FAF1: variants seen among roughly 807,000 people sequenced by gnomAD.
The protein encoded by FAF1 is FAS-associated factor 1.
A neutral mutation model predicts 92.5 loss-of-function variants in FAF1; 25 were observed. That is an observed-to-expected ratio of 0.27 (90% CI 0.20 to 0.38). FAF1 has a LOEUF of 0.38. Ranked by LOEUF, FAF1 falls within the 10% of genes least tolerant of loss-of-function variation. FAF1 has a pLI of 1.00. For missense variants in FAF1, 636 were observed against 793.3 expected, an observed-to-expected ratio of 0.80 and a Z score of 2.38; for synonymous variants, 234 against 273.2, an observed-to-expected ratio of 0.86 and a Z score of 1.42.
intron 8 of FAF1, among the ~76,000 whole-genome samples, chr1:50,636,382 T>C (rs1371758534): frequency 1.0e-5 from 1 of 95,590 alleles, no homozygotes; most frequent in Non-Finnish European, 2.4e-5. Flanking sequence ...GCGTGTCCTT[T>C]TTTTTTTTTT....
intron 15 of FAF1, among the ~76,000 whole-genome samples, chr1:50,531,822 G>A (rs1176331614): frequency 6.6e-6 from 1 of 152,078 alleles, no homozygotes; most frequent in African/African-American, 2.4e-5. Context: ...TATGGTTCAG[G>A]CTTGGGTTTA....
At chr1:50,637,679 ATATG>A (rs1203836206) in intron 8 of FAF1, among the ~76,000 whole-genome samples, 15 of 101,812 alleles carry the variant, frequency 1.5e-4, no homozygotes, top group South Asian at 5.7e-4. Flanking sequence ...ACACATATAT[ATATG>A]TGTGTGTGTG....
At chr1:50,504,290 C>T (rs1647027214) in intron 15 of FAF1, among the ~76,000 whole-genome samples, 1 of 151,364 alleles carries the variant, frequency 6.6e-6, no homozygotes, top group Non-Finnish European at 1.5e-5. Context: ...GAAGAGAATA[C>T]AGTGGATTAA....
intron 8 of FAF1, among the ~76,000 whole-genome samples, chr1:50,641,966 G>T (rs1409803331): frequency 1.3e-5 from 2 of 151,886 alleles, no homozygotes; most frequent in Non-Finnish European, 2.9e-5. Flanking sequence ...ATTTTGGGAG[G>T]CCAAGACAGG....
At chr1:50,647,577 G>A (rs749606340) in intron 8 of FAF1, among the ~76,000 whole-genome samples, 32 of 152,138 alleles carry the variant, frequency 2.1e-4, no homozygotes, top group Non-Finnish European at 3.7e-4. Context: ...AATGTCAAGT[G>A]AATGAATAGA....
At chr1:50,643,681 C>T (rs910824181) in intron 8 of FAF1, among the ~76,000 whole-genome samples, 16 of 152,228 alleles carry the variant, frequency 1.1e-4, no homozygotes, top group African/African-American at 3.9e-4. Context: ...CAACCTCCGC[C>T]TCCCAGATTC....
chr1:50,624,338 T>G (rs964667795), intron 8 of FAF1, among the ~76,000 whole-genome samples: 2 of 152,024 alleles, frequency 1.3e-5, no homozygotes, highest in Non-Finnish European at 2.9e-5. Flanking sequence ...TTAGTAGAGA[T>G]AGGGTTTCAC....
intron 1 of FAF1, among the ~76,000 whole-genome samples, chr1:50,877,228 G>C (rs1220157490): frequency 6.6e-6 from 1 of 152,220 alleles, no homozygotes; most frequent in Non-Finnish European, 1.5e-5. Flanking sequence ...GCTAAGTCAT[G>C]TTAAAATATA....
At chr1:50,709,049 T>A (rs141411542) in intron 6 of FAF1, among the ~76,000 whole-genome samples, 1 of 152,324 alleles carries the variant, frequency 6.6e-6, no homozygotes, top group Admixed American at 6.5e-5. Context: ...ATGGAAAGAC[T>A]TCCTGAGGTT....
At chr1:50,934,942 A>G (rs909189316) in intron 1 of FAF1, among the ~76,000 whole-genome samples, 1 of 152,136 alleles carries the variant, frequency 6.6e-6, no homozygotes, top group Non-Finnish European at 1.5e-5. Flanking sequence ...TGGATGTTTT[A>G]AAGATTTTTC....
In FAF1 at chr1:50,960,148, C is replaced by T. The variant is rs948293604; in HGVS notation, c.-337G>A. Reference sequence around the variant, plus strand: ...GGTTGCGACAGCGCGCACCCGGATACCTTCAGCGGCGTTAAGCCCGGCGGG... The same window carrying T: ...GGTTGCGACAGCGCGCACCCGGATATCTTCAGCGGCGTTAAGCCCGGCGGG... On this transcript the variant is annotated 5_prime_UTR_variant, in exon 1 of 19. Transcript: ENST00000396153. The T allele has an allele frequency of 6.3e-5, 22 of 348,070 alleles. No individual in the cohort carries two copies. Among genetic ancestry groups the T allele is most frequent in the Non-Finnish European group, 8.8e-5 (17 of 192,550 alleles). 21.6% of individuals were successfully genotyped at this position (348,070 alleles called of 1,614,324 possible).
intron 18 of FAF1, among the ~76,000 whole-genome samples, chr1:50,456,699 A>G (rs1404853669): frequency 6.6e-6 from 1 of 152,226 alleles, no homozygotes; most frequent in Non-Finnish European, 1.5e-5. Flanking sequence ...TTATAATAGT[A>G]AACAAGACAC....
chr1:50,496,904 A>G (rs1292885040), intron 15 of FAF1, among the ~76,000 whole-genome samples: 1 of 148,862 alleles, frequency 6.7e-6, no homozygotes, highest in Non-Finnish European at 1.5e-5. Flanking sequence ...AAAAAAAAAA[A>G]GTTATCTCTG....
intron 13 of FAF1, among the ~76,000 whole-genome samples, chr1:50,551,470 G>A (rs557348301): frequency 3.3e-5 from 5 of 152,264 alleles, no homozygotes; most frequent in Admixed American, 2.6e-4. Context: ...CTAAAAACAT[G>A]TAAATACCAT....
At chr1:50,494,802 T>C (rs1055288788) in intron 15 of FAF1, among the ~76,000 whole-genome samples, 8 of 152,234 alleles carry the variant, frequency 5.3e-5, no homozygotes, top group Admixed American at 1.3e-4. Flanking sequence ...GAAGTATATA[T>C]TTATTGGATG....
At chr1:50,882,623 A>C (rs1305179135) in intron 1 of FAF1, among the ~76,000 whole-genome samples, 2 of 150,740 alleles carry the variant, frequency 1.3e-5, no homozygotes, top group African/African-American at 4.9e-5. Flanking sequence ...TAAATAAATA[A>C]ATAAATAAAT....
At chr1:50,910,161 T>C (rs924467005) in intron 1 of FAF1, among the ~76,000 whole-genome samples, 1 of 152,130 alleles carries the variant, frequency 6.6e-6, no homozygotes, top group Non-Finnish European at 1.5e-5. Flanking sequence ...CAGACCCTGT[T>C]TGCCTGGGTA....
intron 4 of FAF1, among the ~76,000 whole-genome samples, chr1:50,786,508 A>C (rs1661369714): frequency 6.6e-6 from 1 of 152,232 alleles, no homozygotes; most frequent in South Asian, 2.1e-4. Flanking sequence ...ATGTAAGATG[A>C]AAAAGTGCAT....
At chr1:50,565,050 T>A (rs1161110433) in intron 13 of FAF1, among the ~76,000 whole-genome samples, 1 of 152,094 alleles carries the variant, frequency 6.6e-6, no homozygotes, top group East Asian at 1.9e-4. Context: ...ATAGGTAAAT[T>A]GGTGTCATGG....
Sources: gnomAD v4.1 joint callset for allele counts (sites outside exome capture counted in the v4.1 genomes callset) on GRCh38, gnomAD v4.1.1 for gene constraint, MANE v1.5 for transcripts, NCBI Gene and HGNC (gene_info 2026-07-23, HGNC 2026-07-21) for gene names.